NCKAP5: variants seen among roughly 807,000 people sequenced by gnomAD.
The protein encoded by NCKAP5 is NCK associated protein 5.
A neutral mutation model predicts 167.0 loss-of-function variants in NCKAP5; 92 were observed. That is an observed-to-expected ratio of 0.55 (90% CI 0.47 to 0.66). The LOEUF is 0.66. Among genes scored for constraint, NCKAP5 ranks in the 30% least tolerant of loss-of-function variants. The probability of loss-of-function intolerance (pLI) is 0.00; values close to 1 mark genes in which losing one functional copy is unlikely to be tolerated. For missense variants in NCKAP5, 2,378 were observed against 2,315.0 expected, an observed-to-expected ratio of 1.03 and a Z score of -0.56; for synonymous variants, 891 against 877.4, an observed-to-expected ratio of 1.02 and a Z score of -0.27.
chr2:133,538,684 A>G (rs553999796), intron 2 of NCKAP5, among the ~76,000 whole-genome samples: 88 of 152,266 alleles, frequency 5.8e-4, no homozygotes, highest in Non-Finnish European at 9.1e-4. Context: ...CTTTCCATAA[A>G]TGTTGGGAGA....
intron 16 of NCKAP5, among the ~76,000 whole-genome samples, chr2:132,749,633 G>A (rs997295546): frequency 1.3e-5 from 2 of 152,098 alleles, no homozygotes; most frequent in African/African-American, 4.8e-5. Flanking sequence ...TTCACTCTCT[G>A]TAACAGACCT....
intron 19 of NCKAP5, among the ~76,000 whole-genome samples, chr2:132,708,834 T>TC (rs1309770737): frequency 4.6e-5 from 7 of 152,348 alleles, no homozygotes; most frequent in Non-Finnish European, 1.0e-4. Flanking sequence ...TTGTTGGCTG[T>TC]ATGTAATACC....
chr2:133,525,053 G>C (rs894422123), intron 2 of NCKAP5, among the ~76,000 whole-genome samples: 2 of 152,108 alleles, frequency 1.3e-5, no homozygotes, highest in African/African-American at 4.8e-5. Flanking sequence ...TGTCCATTTT[G>C]AATATGAGTA....
the NCKAP5 span, among the ~76,000 whole-genome samples, chr2:133,643,282 C>T: frequency 6.6e-6 from 1 of 152,176 alleles, no homozygotes; most frequent in Non-Finnish European, 1.5e-5. Flanking sequence ...GTCTTCCTTA[C>T]TCTAAACTCA....
rs1466607142 is a variant in NCKAP5, at chr2:132,783,126, G to A, written c.3685C>T (p.Leu1229=). The change falls in exon 14 of 20, where the codon CTA becomes TTA. Residue 1229 remains leucine, a synonymous_variant. Coordinates refer to ENST00000409261, the MANE Select transcript of NCKAP5 (RefSeq NM_207363.3). ...LADGLPLETA[L]QEPLESSIPG... is the part of the protein sequence containing the mutation. ...ATGCTACTTTCCAATGGCTCTTGTA[G>A]TGCTGTTTCCAGGGGAAGCCCATCA... 6.2e-7 allele frequency: 1 copy of A among 1,613,672 alleles called. No homozygotes were observed. The highest frequency in any genetic ancestry group is 1.7e-5 in the Admixed American group (1 of 59,990).
intron 8 of NCKAP5, among the ~76,000 whole-genome samples, chr2:132,887,172 A>G (rs1692294481): frequency 1.3e-5 from 2 of 152,196 alleles, no homozygotes; most frequent in African/African-American, 4.8e-5. Context: ...ATATGCAAAT[A>G]TCTAAACTTT....
At chr2:133,529,262 A>G (rs1244048889) in intron 2 of NCKAP5, among the ~76,000 whole-genome samples, 1 of 151,582 alleles carries the variant, frequency 6.6e-6, no homozygotes, top group Non-Finnish European at 1.5e-5. Flanking sequence ...CCCTCTTTCT[A>G]CTCTTCTCCG....
the NCKAP5 span, among the ~76,000 whole-genome samples, chr2:133,595,416 C>G: frequency 6.6e-6 from 1 of 151,860 alleles, no homozygotes; most frequent in Admixed American, 6.6e-5. Flanking sequence ...GTTCCTCCTC[C>G]TCCCCACCTC....
intron 19 of NCKAP5, among the ~76,000 whole-genome samples, chr2:132,714,709 A>G (rs1689191638): frequency 6.6e-6 from 1 of 151,538 alleles, no homozygotes; most frequent in South Asian, 2.1e-4. Context: ...CCCAGCTGGG[A>G]GGCTGAGGCA....
At chr2:132,913,357 TG>T (rs930493652) in intron 8 of NCKAP5, among the ~76,000 whole-genome samples, 1 of 152,142 alleles carries the variant, frequency 6.6e-6, no homozygotes, top group Non-Finnish European at 1.5e-5. Context: ...AGATGGAACC[TG>T]GGTCACTATA....
intron 6 of NCKAP5, among the ~76,000 whole-genome samples, chr2:133,071,959 A>C (rs899888020): frequency 6.6e-6 from 1 of 152,212 alleles, no homozygotes; most frequent in Non-Finnish European, 1.5e-5. Context: ...AATATTGAAG[A>C]GAAAAGGAAG....
At chr2:133,591,669 C>T in the NCKAP5 span, among the ~76,000 whole-genome samples, 1 of 152,188 alleles carries the variant, frequency 6.6e-6, no homozygotes. Flanking sequence ...AACAAAAACA[C>T]CTGGATCCCA....
At chr2:132,673,443 G>A (rs1573786829) in intron 19 of NCKAP5, 138 bp from the exon 20 acceptor site, 1 of 649,148 alleles carries the variant, frequency 1.5e-6, no homozygotes, top group Non-Finnish European at 2.2e-6. Context: ...TAATCTTCTA[G>A]TATAATTAGA....
chr2:132,782,368 C>G lies in NCKAP5; in HGVS notation c.4443G>C (p.Gln1481His). 6.2e-7 allele frequency: 1 copy of G among 1,614,058 alleles called. No individual in the cohort carries two copies. The highest frequency in any genetic ancestry group is 8.5e-7 in the Non-Finnish European group (1 of 1,179,912). Reference sequence around the variant, plus strand: ...GCACTTGGCCCTTTTCCACATTTTCCTGAATGCACAACATGACCTTTTCTT... The same window carrying G: ...GCACTTGGCCCTTTTCCACATTTTCGTGAATGCACAACATGACCTTTTCTT... ...TIEEKVMLCI[Q>H]ENVEKGQVQT... The change falls in exon 14 of 20, where the codon CAG becomes CAC. Residue 1481 changes from glutamine (Q) to histidine (H), a missense_variant. Physicochemically the swap from Gln to His is conservative, Grantham distance 24. This residue lies in a region of NCKAP5 where 1,325 missense variants were observed against 1,274.5 expected (regional missense o/e 1.04). Transcript: ENST00000409261.
At chr2:132,834,791 T>C (rs1213916907) in intron 11 of NCKAP5, among the ~76,000 whole-genome samples, 4 of 152,210 alleles carry the variant, frequency 2.6e-5, no homozygotes, top group Non-Finnish European at 4.4e-5. Flanking sequence ...ACACCCGGTC[T>C]GAATGTCTTT....
Position 132,965,210 on chromosome 2 carries a change from C to G in NCKAP5, c.430-1341G>C, listed in dbSNP as rs566910410. On this transcript the variant is annotated intron_variant, in intron 7 of 19. Transcript: ENST00000409261. Reference sequence around the variant, plus strand: ...AGTTCTTTATGAAATCAGGCCCAAGCATGTGTAACTGTATACCATGTGCAG... The same window carrying G: ...AGTTCTTTATGAAATCAGGCCCAAGGATGTGTAACTGTATACCATGTGCAG... Among the ~76,000 whole-genome samples the G allele has an allele frequency of 7.2e-5, 11 of 152,246 alleles. No homozygotes were observed. The South Asian group carries it at 1.9e-3, about 26-fold the overall frequency.
At chr2:133,364,263 C>T (rs1685309303) in intron 3 of NCKAP5, among the ~76,000 whole-genome samples, 1 of 152,152 alleles carries the variant, frequency 6.6e-6, no homozygotes, top group Non-Finnish European at 1.5e-5. Flanking sequence ...TTTGCATTGA[C>T]ATGACTCAAT....
chr2:132,865,922 A>T (rs1433209675), intron 10 of NCKAP5, among the ~76,000 whole-genome samples: 1 of 152,200 alleles, frequency 6.6e-6, no homozygotes, highest in Non-Finnish European at 1.5e-5. Flanking sequence ...AATGCCTGCT[A>T]AATATAAACA....
the NCKAP5 span, among the ~76,000 whole-genome samples, chr2:133,661,767 G>A: frequency 6.6e-6 from 1 of 152,110 alleles, no homozygotes; most frequent in Non-Finnish European, 1.5e-5. Flanking sequence ...CCCTGACCAT[G>A]CTTTACCACA....
Sources: gnomAD v4.1 joint callset for allele counts (sites outside exome capture counted in the v4.1 genomes callset) on GRCh38, gnomAD v4.1.1 for gene constraint, gnomAD v4.1.1 regional missense constraint, MANE v1.5 for transcripts, NCBI Gene and HGNC (gene_info 2026-07-23, HGNC 2026-07-21) for gene names.